ERBIN: variants seen among roughly 807,000 people sequenced by gnomAD.
ERBIN encodes the protein densin-180-like protein.
A neutral mutation model predicts 158.4 loss-of-function variants in ERBIN; 60 were observed. The observed-to-expected ratio is 0.38, with a 90% confidence interval of 0.31 to 0.47. The LOEUF is 0.47. Among genes scored for constraint, ERBIN ranks in the 20% least tolerant of loss-of-function variants. ERBIN has a pLI of 0.99. For missense variants in ERBIN, 1,610 were observed against 1,648.0 expected, an observed-to-expected ratio of 0.98 and a Z score of 0.40; for synonymous variants, 594 against 557.2, an observed-to-expected ratio of 1.07 and a Z score of -0.93.
intron 4 of ERBIN, among the ~76,000 whole-genome samples, chr5:66,007,034 A>G (rs181694727): frequency 6.7e-6 from 1 of 149,772 alleles, no homozygotes; most frequent in Non-Finnish European, 1.5e-5. Context: ...CAATCCCATT[A>G]CTGGGTATAT....
At chr5:65,937,830 AC>A (rs1744273071) in intron 1 of ERBIN, among the ~76,000 whole-genome samples, 1 of 152,148 alleles carries the variant, frequency 6.6e-6, no homozygotes, top group South Asian at 2.1e-4. Context: ...AATGGCATGA[AC>A]CCGGGAGGCG....
intron 21 of ERBIN, among the ~76,000 whole-genome samples, chr5:66,066,538 A>AAAT (rs1561450931): frequency 7.9e-5 from 12 of 151,952 alleles, no homozygotes; most frequent in African/African-American, 2.9e-4. Flanking sequence ...AAAAAAAACA[A>AAAT]AAAAAACTGT....
chr5:66,016,767 C>T (rs1754784407), intron 7 of ERBIN, among the ~76,000 whole-genome samples: 1 of 152,084 alleles, frequency 6.6e-6, no homozygotes, highest in South Asian at 2.1e-4. Context: ...GCATGTACCA[C>T]CACGTCTGGC....
chr5:65,996,243 A>C (rs1173459781), intron 4 of ERBIN, among the ~76,000 whole-genome samples: 1 of 52,084 alleles, frequency 1.9e-5, no homozygotes, highest in Non-Finnish European at 3.8e-5. Context: ...TTTTCCTAGT[A>C]GTTTTTTTTT....
intron 1 of ERBIN, among the ~76,000 whole-genome samples, chr5:65,954,232 G>A (rs1252147009): frequency 6.6e-6 from 1 of 152,148 alleles, no homozygotes; most frequent in Non-Finnish European, 1.5e-5. Context: ...AATACATTTT[G>A]AAAATAATCT....
chr5:66,068,789 A>T (rs1045729092), intron 21 of ERBIN: 20 of 1,165,900 alleles, frequency 1.7e-5, no homozygotes, highest in Non-Finnish European at 2.2e-5. Context: ...TTTTGGGGTT[A>T]CTTGTAAATA....
intron 8 of ERBIN, among the ~76,000 whole-genome samples, chr5:66,022,253 ATTTG>A (rs760783401): frequency 9.2e-5 from 14 of 152,172 alleles, no homozygotes; most frequent in Non-Finnish European, 1.8e-4. Flanking sequence ...CTTTCTCAAT[ATTTG>A]TTCTGTATGA....
chr5:65,943,588 T>C (rs982353636), intron 1 of ERBIN, among the ~76,000 whole-genome samples: 4 of 152,246 alleles, frequency 2.6e-5, no homozygotes, highest in African/African-American at 9.6e-5. Context: ...GTGTACATCC[T>C]GTTCATCCAA....
chr5:66,031,684 T>A (rs1290468766), intron 14 of ERBIN, among the ~76,000 whole-genome samples: 1 of 151,988 alleles, frequency 6.6e-6, no homozygotes, highest in African/African-American at 2.4e-5. Context: ...ATTAAAACAT[T>A]AGCCAGGTGG....
At chr5:65,982,204 G>A (rs1750734617) in intron 1 of ERBIN, among the ~76,000 whole-genome samples, 1 of 152,292 alleles carries the variant, frequency 6.6e-6, no homozygotes, top group Non-Finnish European at 1.5e-5. Flanking sequence ...TGTAGTACCT[G>A]CTCATGCAGT....
chr5:66,024,119 A>G (rs893344361), intron 9 of ERBIN, among the ~76,000 whole-genome samples, 187 bp from the exon 10 acceptor site: 3 of 152,206 alleles, frequency 2.0e-5, no homozygotes, highest in South Asian at 2.1e-4. Context: ...CTATGCTACA[A>G]TTAGTAGAAC....
rs1168815964 is a variant in ERBIN, at chr5:66,050,798, CAG to C, written c.1921_1922del (p.Asp641PhefsTer5). 1 of 1,551,672 alleles carries C rather than the reference CAG, an allele frequency of 6.4e-7. No homozygotes were observed. Among genetic ancestry groups the C allele is most frequent in the African/African-American group, 1.4e-5 (1 of 71,170 alleles). On this transcript the variant is annotated frameshift_variant, in exon 20 of 26. Coordinates refer to ENST00000284037, the MANE Select transcript of ERBIN (RefSeq NM_001253697.2). LOFTEE classifies it high-confidence loss of function. Reference sequence around the variant, plus strand: ...TTTGTTTCAGATGATACAAAGGAAACAGATTCTTTATCAGATGAAGTTACACA... The same window carrying C: ...TTTGTTTCAGATGATACAAAGGAAACATTCTTTATCAGATGAAGTTACACA...
chr5:65,980,213 C>G (rs1319894877), intron 1 of ERBIN, among the ~76,000 whole-genome samples: 2 of 152,012 alleles, frequency 1.3e-5, no homozygotes, highest in African/African-American at 2.4e-5. Context: ...GTCAGGAGTT[C>G]GAGACCAGCC....
At chr5:65,928,154 G>T (rs973515435) in intron 1 of ERBIN, among the ~76,000 whole-genome samples, 2 of 151,938 alleles carry the variant, frequency 1.3e-5, no homozygotes, top group Admixed American at 1.3e-4. Context: ...TGCTACTTCA[G>T]CTTCATTAAG....
At chr5:65,943,613 C>G (rs1745351215) in intron 1 of ERBIN, among the ~76,000 whole-genome samples, 1 of 152,162 alleles carries the variant, frequency 6.6e-6, no homozygotes, top group Admixed American at 6.5e-5. Context: ...AACTCAAGTA[C>G]CATTATTTCC....
Position 66,018,570 on chromosome 5 carries a change from TATTATATAA to T in ERBIN, c.534-2751_534-2743del, listed in dbSNP as rs1172226046. Among the ~76,000 whole-genome samples, 94 of 45,234 alleles carry T rather than the reference TATTATATAA, an allele frequency of 2.1e-3. 32 individuals are homozygous for T. The highest frequency in any genetic ancestry group is 0.014 in the African/African-American group (88 of 6,492). 29.7% of individuals were successfully genotyped at this position (45,234 alleles called of 152,430 possible). ...ATTATATATTATATAATATATATTA[TATTATATAA>T]TATATATTATATAATATATATTATA... On this transcript the variant is annotated intron_variant, in intron 7 of 25. Coordinates refer to ENST00000284037, the MANE Select transcript of ERBIN (RefSeq NM_001253697.2).
chr5:66,024,281 T>C, intron 9 of ERBIN, 25 bp from the exon 10 acceptor site: 1 of 1,413,300 alleles, frequency 7.1e-7, no homozygotes, highest in South Asian at 1.3e-5. Context: ...AATAGAGTCA[T>C]TAGATTTTCT....
chr5:65,966,493 C>T (rs1172836750), intron 1 of ERBIN, among the ~76,000 whole-genome samples: 1 of 151,876 alleles, frequency 6.6e-6, no homozygotes, highest in Admixed American at 6.6e-5. Flanking sequence ...TCAGCCTGAC[C>T]AACATGGAGA....
intron 21 of ERBIN, among the ~76,000 whole-genome samples, chr5:66,069,422 T>C (rs149418419): frequency 1.4e-4 from 22 of 152,344 alleles, no homozygotes; most frequent in African/African-American, 5.1e-4. Context: ...GAGAATTGAC[T>C]GAGAGAAAGC....
Sources: gnomAD v4.1 joint callset for allele counts (sites outside exome capture counted in the v4.1 genomes callset) on GRCh38, gnomAD v4.1.1 for gene constraint, MANE v1.5 for transcripts, NCBI Gene and HGNC (gene_info 2026-07-23, HGNC 2026-07-21) for gene names.